Variants in SGCD observed in about 807,000 individuals in gnomAD.
SGCD encodes delta-sarcoglycan.
SGCD carries 18 observed loss-of-function variants against 36.6 expected under a neutral mutation model. That is an observed-to-expected ratio of 0.49 (90% CI 0.34 to 0.73). SGCD has a LOEUF of 0.73. SGCD is among the 30% of genes least tolerant of loss of function. The pLI is 0.01. For missense variants in SGCD, 387 were observed against 346.7 expected (o/e 1.12, Z -0.92); for synonymous variants, 133 against 130.6 (o/e 1.02, Z -0.12).
chr5:156,616,137 C>T (rs1200520076), intron 6 of SGCD, among the ~76,000 whole-genome samples: 4 of 152,190 alleles, frequency 2.6e-5, no homozygotes. Flanking sequence ...TGTCTCAGCT[C>T]TATTTTCTAA....
chr5:156,761,030 G>A lies in SGCD; in HGVS notation c.*1640G>A, dbSNP rs1312798033. Reference sequence around the variant, plus strand: ...AAGTAGTGGCCCTGCAAGCCTAAATGAAGTAGTATTTGTAGGCCTGGGTGG... The same window carrying A: ...AAGTAGTGGCCCTGCAAGCCTAAATAAAGTAGTATTTGTAGGCCTGGGTGG... On this transcript the variant is annotated 3_prime_UTR_variant, in exon 9 of 9. Transcript: ENST00000337851. 1 of 152,244 alleles carries A rather than the reference G, an allele frequency of 6.6e-6. No homozygotes were observed. The highest frequency in any genetic ancestry group is 1.5e-5 in the Non-Finnish European group (1 of 68,062). The allele number at this position is 152,244 out of a possible 1,614,324, so 9.4% of individuals were successfully genotyped here. A position where few individuals can be genotyped will look rare whatever the true frequency, so the allele number is the denominator to read the frequency against.
chr5:156,005,748 C>T (rs1343604030), intron 1 of SGCD, among the ~76,000 whole-genome samples: 3 of 152,186 alleles, frequency 2.0e-5, no homozygotes, highest in Non-Finnish European at 4.4e-5. Context: ...CCGTGCCCGG[C>T]CTTTTGTTTT....
At chr5:156,622,178 A>G (rs1762276321) in intron 6 of SGCD, among the ~76,000 whole-genome samples, 1 of 152,140 alleles carries the variant, frequency 6.6e-6, no homozygotes, top group Admixed American at 6.5e-5. Flanking sequence ...CACACCTGTA[A>G]TCCCAACGCT....
At chr5:156,487,960 TTATATATA>T (rs55795142) in intron 3 of SGCD, among the ~76,000 whole-genome samples, 5 of 136,708 alleles carry the variant, frequency 3.7e-5, no homozygotes, top group African/African-American at 2.6e-5. Context: ...GTAACATATA[TTATATATA>T]TATATATATA....
At chr5:156,062,022 G>A (rs1474194424) in intron 1 of SGCD, among the ~76,000 whole-genome samples, 2 of 82,190 alleles carry the variant, frequency 2.4e-5, no homozygotes, top group African/African-American at 8.1e-5. Flanking sequence ...ATGCTGGTGC[G>A]CTGCACCCAC....
intron 3 of SGCD, among the ~76,000 whole-genome samples, chr5:156,314,169 T>C (rs182123391): frequency 3.3e-4 from 50 of 152,052 alleles, no homozygotes; most frequent in Admixed American, 2.8e-3. Context: ...GCCAAATCTA[T>C]AGGAGGGTCA....
intron 3 of SGCD, among the ~76,000 whole-genome samples, chr5:156,259,654 T>C (rs759940851): frequency 1.6e-4 from 24 of 152,202 alleles, no homozygotes; most frequent in Non-Finnish European, 2.9e-4. Context: ...ATATCTGCTA[T>C]GGTTTGAATA....
At chr5:156,280,782 A>G (rs1290657447) in intron 3 of SGCD, among the ~76,000 whole-genome samples, 2 of 152,190 alleles carry the variant, frequency 1.3e-5, no homozygotes, top group African/African-American at 4.8e-5. Context: ...AAGAATTAAG[A>G]ATAGAATTCC....
intron 1 of SGCD, among the ~76,000 whole-genome samples, chr5:156,068,176 G>T (rs1487558424): frequency 1.3e-5 from 2 of 150,716 alleles, no homozygotes; most frequent in African/African-American, 4.9e-5. Context: ...CAATGTGCAG[G>T]TTAGTTACAT....
chr5:156,136,668 G>A (rs912096309), intron 3 of SGCD, among the ~76,000 whole-genome samples: 1 of 152,180 alleles, frequency 6.6e-6, no homozygotes, highest in Non-Finnish European at 1.5e-5. Flanking sequence ...ATAAGGAAGT[G>A]TGTAACCTAA....
chr5:156,403,292 G>A (rs1772247277), intron 3 of SGCD, among the ~76,000 whole-genome samples: 1 of 152,076 alleles, frequency 6.6e-6, no homozygotes, highest in Non-Finnish European at 1.5e-5. Context: ...TCCATTCCTG[G>A]TACAGTTTTC....
At chr5:156,593,745 C>A (rs1046968887) in intron 5 of SGCD, among the ~76,000 whole-genome samples, 1 of 151,944 alleles carries the variant, frequency 6.6e-6, no homozygotes, top group African/African-American at 2.4e-5. Context: ...GAGTAATAAA[C>A]CCAATTTGTT....
chr5:156,265,218 AC>A, intron 3 of SGCD, among the ~76,000 whole-genome samples: 1 of 152,144 alleles, frequency 6.6e-6, no homozygotes, highest in East Asian at 1.9e-4. Flanking sequence ...CAATGAGTCA[AC>A]CTGGTTCTAA....
chr5:156,721,111 C>G (rs942343110), intron 7 of SGCD, among the ~76,000 whole-genome samples: 8 of 152,140 alleles, frequency 5.3e-5, no homozygotes, highest in Admixed American at 3.3e-4. Context: ...GGGGAAGGCT[C>G]TGGTGGGGCC....
At chr5:155,996,054 A>ATGAT (rs1758536845) in intron 1 of SGCD, among the ~76,000 whole-genome samples, 1 of 146,980 alleles carries the variant, frequency 6.8e-6, no homozygotes, top group South Asian at 2.2e-4. Flanking sequence ...GGAATGGCAT[A>ATGAT]TGATTAGGTG....
chr5:156,627,928 T>C (rs1008928823), intron 6 of SGCD, among the ~76,000 whole-genome samples: 2 of 152,156 alleles, frequency 1.3e-5, no homozygotes, highest in South Asian at 2.1e-4. Context: ...TAGGCCATTC[T>C]TGAATTACTA....
intron 1 of SGCD, among the ~76,000 whole-genome samples, chr5:155,891,366 G>A (rs150289771): frequency 0.011 from 1,679 of 152,218 alleles, 9 homozygotes; most frequent in Non-Finnish European, 0.017. Flanking sequence ...AGCAGTAAAT[G>A]TCTATCTCCT....
At chr5:156,018,859 T>C (rs1046330692) in intron 1 of SGCD, among the ~76,000 whole-genome samples, 6 of 152,202 alleles carry the variant, frequency 3.9e-5, no homozygotes, top group Non-Finnish European at 7.4e-5. Flanking sequence ...AACAAATAAA[T>C]AGGAAACTTA....
intron 7 of SGCD, among the ~76,000 whole-genome samples, chr5:156,741,717 A>G (rs1396776343): frequency 2.0e-5 from 3 of 152,142 alleles, no homozygotes; most frequent in African/African-American, 7.2e-5. Context: ...TATAGAAATG[A>G]CAGCATTTCA....
Sources: gnomAD v4.1 joint callset for allele counts (sites outside exome capture counted in the v4.1 genomes callset) on GRCh38, gnomAD v4.1.1 for gene constraint, MANE v1.5 for transcripts, NCBI Gene and HGNC (gene_info 2026-07-23, HGNC 2026-07-21) for gene names.